PRKCA: variants seen among roughly 807,000 people sequenced by gnomAD.
The protein encoded by PRKCA is protein kinase C alpha.
In PRKCA, 27 loss-of-function variants were observed where a neutral mutation model predicts 87.0. That is an observed-to-expected ratio of 0.31 (90% CI 0.23 to 0.43). The LOEUF (loss-of-function observed/expected upper bound fraction) is 0.43. Ranked by LOEUF, PRKCA falls within the 20% of genes least tolerant of loss-of-function variation. The pLI is 1.00. For missense variants in PRKCA, 518 were observed against 852.3 expected (o/e 0.61, Z 4.88); for synonymous variants, 329 against 311.1 (o/e 1.06, Z -0.61).
At chr17:66,330,657 A>G (rs1161459900) in intron 2 of PRKCA, among the ~76,000 whole-genome samples, 1 of 152,176 alleles carries the variant, frequency 6.6e-6, no homozygotes, top group Non-Finnish European at 1.5e-5. Flanking sequence ...CCATTTTCAA[A>G]TATTTTGTTA....
At chr17:66,692,636 CA>C (rs1421302966) in intron 8 of PRKCA, among the ~76,000 whole-genome samples, 7 of 152,148 alleles carry the variant, frequency 4.6e-5, no homozygotes, top group Admixed American at 1.3e-4. Context: ...TTTGAGCCCC[CA>C]CCCCGTTTCC....
At chr17:66,461,201 A>T (rs1233744251) in intron 2 of PRKCA, among the ~76,000 whole-genome samples, 1 of 126,906 alleles carries the variant, frequency 7.9e-6, no homozygotes, top group Non-Finnish European at 1.6e-5. Context: ...ATGAGACCCC[A>T]TCTCAAAAAA....
chr17:66,798,920 ATGGTGGTGG>A (rs1975784289), intron 16 of PRKCA, among the ~76,000 whole-genome samples: 1 of 3,518 alleles, frequency 2.8e-4, no homozygotes, highest in Admixed American at 2.8e-3. Flanking sequence ...GGTGGTGGTG[ATGGTGGTGG>A]TGGTGGTGGT....
intron 3 of PRKCA, among the ~76,000 whole-genome samples, chr17:66,529,441 C>T (rs1967462777): frequency 6.6e-6 from 1 of 152,148 alleles, no homozygotes; most frequent in Admixed American, 6.5e-5. Context: ...ATGAAAGGAG[C>T]TCATGCCTCA....
intron 3 of PRKCA, among the ~76,000 whole-genome samples, chr17:66,585,762 G>A (rs1192352743): frequency 1.3e-5 from 2 of 152,236 alleles, no homozygotes; most frequent in African/African-American, 2.4e-5. Context: ...ATTATTAAAT[G>A]TCTCCCAGCC....
rs112714558 is a variant in PRKCA, at chr17:66,496,316, A to G, written c.288+33A>G. 6.0e-5 allele frequency: 94 copies of G among 1,566,058 alleles called. 2 individuals carry two copies. In the South Asian group the frequency reaches 6.6e-4, roughly 11 times the overall value. ...GTCCTGAAATCATGATTTGATGTCAATGTGGATTTCTGAGCTTTAATTTTT... is the reference window on the plus strand; with the variant it reads ...GTCCTGAAATCATGATTTGATGTCAGTGTGGATTTCTGAGCTTTAATTTTT... On this transcript the variant is annotated intron_variant, in intron 3 of 16. Transcript: ENST00000413366.
chr17:66,695,981 G>A (rs1972909719), intron 8 of PRKCA, among the ~76,000 whole-genome samples: 1 of 152,224 alleles, frequency 6.6e-6, no homozygotes, highest in African/African-American at 2.4e-5. Context: ...TATAAAGAGA[G>A]AAATTTATAG....
intron 3 of PRKCA, among the ~76,000 whole-genome samples, chr17:66,592,343 C>CAAAAAAAAAAAAAAAAAAAAAA (rs71160581): frequency 1.2e-5 from 1 of 82,362 alleles, no homozygotes. Context: ...TGATCCGTCT[C>CAAAAAAAAAAAAAAAAAAAAAA]AAAAAAAAAA....
intron 3 of PRKCA, among the ~76,000 whole-genome samples, chr17:66,518,630 A>G (rs538254226): frequency 3.3e-5 from 5 of 152,252 alleles, no homozygotes; most frequent in African/African-American, 1.2e-4. Context: ...TGACAGATGG[A>G]TGGTATTTAT....
At chr17:66,584,794 G>C (rs894608927) in intron 3 of PRKCA, among the ~76,000 whole-genome samples, 2 of 152,088 alleles carry the variant, frequency 1.3e-5, no homozygotes, top group African/African-American at 4.8e-5. Context: ...TTGGACTTGA[G>C]GCCTACCCTA....
chr17:66,734,625 G>A (rs1973980544), intron 9 of PRKCA, among the ~76,000 whole-genome samples: 1 of 152,176 alleles, frequency 6.6e-6, no homozygotes, highest in Non-Finnish European at 1.5e-5. Flanking sequence ...TCTGACCTGT[G>A]TCTTGTGATA....
chr17:66,377,311 C>T (rs1410514950), intron 2 of PRKCA, among the ~76,000 whole-genome samples: 2 of 151,842 alleles, frequency 1.3e-5, no homozygotes, highest in South Asian at 2.1e-4. Flanking sequence ...AGGCATGAGT[C>T]GCTGTGTCAG....
At chr17:66,342,152 G>A (rs561495192) in intron 2 of PRKCA, among the ~76,000 whole-genome samples, 5 of 152,224 alleles carry the variant, frequency 3.3e-5, no homozygotes, top group South Asian at 2.1e-4. Flanking sequence ...GGCGGGGCGC[G>A]GTGGCTCATG....
chr17:66,558,405 G>A (rs764299391), intron 3 of PRKCA, among the ~76,000 whole-genome samples: 33 of 152,226 alleles, frequency 2.2e-4, no homozygotes, highest in Admixed American at 3.3e-4. Flanking sequence ...GCTGGGATGG[G>A]ACCTTTAGCA....
At position 66,688,317 on chromosome 17, in the gene PRKCA, A is replaced by G. The variant is rs771728823; in HGVS notation, c.702A>G (p.Ser234=). Residue 234 remains serine (S), a synonymous_variant, in exon 7 of 17, where the codon TCA becomes TCG. Transcript: ENST00000413366. ...NESFTFKLKP[S]DKDRRLSVEI... is the part of the protein sequence containing the mutation. ...TGTCTTGTAGCAAATTGAAACCTTCAGACAAAGACCGACGACTGTCTGTAG... is the reference window on the plus strand; with the variant it reads ...TGTCTTGTAGCAAATTGAAACCTTCGGACAAAGACCGACGACTGTCTGTAG... 6.2e-7 allele frequency: 1 copy of G among 1,614,144 alleles called. No individual in the cohort carries two copies. The highest frequency in any genetic ancestry group is 8.5e-7 in the Non-Finnish European group (1 of 1,180,020).
At chr17:66,402,615 TATGA>T (rs1911102084) in intron 2 of PRKCA, among the ~76,000 whole-genome samples, 1 of 152,092 alleles carries the variant, frequency 6.6e-6, no homozygotes, top group Non-Finnish European at 1.5e-5. Flanking sequence ...TTCCCAGTGT[TATGA>T]ATGAGAAACT....
chr17:66,600,859 G>C (rs1177421973), intron 3 of PRKCA, among the ~76,000 whole-genome samples: 1 of 69,650 alleles, frequency 1.4e-5, no homozygotes, highest in Non-Finnish European at 2.5e-5. Context: ...AGTTTGGCTG[G>C]ATATGAAATT....
In PRKCA at chr17:66,596,571, CTTTTT is replaced by C. The variant is rs10582567; in HGVS notation, c.289-44767_289-44763del. Among the ~76,000 whole-genome samples the C allele has an allele frequency of 9.4e-4, 107 of 113,862 alleles. 1 individual carries two copies. In the Middle Eastern group the frequency reaches 0.015, roughly 16 times the overall value. The allele number at this position is 113,862 out of a possible 152,430, so 74.7% of individuals were successfully genotyped here. ...GTAGGAAATTGAAAAAATATTAAACCTTTTTTTTTTTTTTTTTTTTTATTATACTC... is the reference window on the plus strand; with the variant it reads ...GTAGGAAATTGAAAAAATATTAAACCTTTTTTTTTTTTTTTTATTATACTC... On this transcript the variant is annotated intron_variant, in intron 3 of 16. Transcript: ENST00000413366.
chr17:66,694,835 G>A (rs539994112), intron 8 of PRKCA, among the ~76,000 whole-genome samples: 4 of 147,974 alleles, frequency 2.7e-5, no homozygotes, highest in African/African-American at 5.0e-5. Flanking sequence ...GACAGTTCCC[G>A]AAGTTCTTAT....
Sources: gnomAD v4.1 joint callset for allele counts (sites outside exome capture counted in the v4.1 genomes callset) on GRCh38, gnomAD v4.1.1 for gene constraint, MANE v1.5 for transcripts, NCBI Gene and HGNC (gene_info 2026-07-23, HGNC 2026-07-21) for gene names.